Variants in PFKL observed in about 807,000 individuals in gnomAD.
PFKL encodes phosphofructokinase, liver type.
Under a neutral mutation model 92.1 loss-of-function variants are expected in PFKL, and 74 were observed. The ratio of observed to expected loss-of-function variants is 0.80; its 90% CI spans 0.67 to 0.97. PFKL has a LOEUF of 0.97. Ranked by LOEUF, PFKL falls within the 50% of genes least tolerant of loss-of-function variation. PFKL has a pLI of 0.00. For missense variants in PFKL, 1,028 were observed against 1,116.6 expected (o/e 0.92, Z 1.13); for synonymous variants, 494 against 456.4 (o/e 1.08, Z -1.05).
chr21:44,300,263 C>T (rs2040730546), intron 1 of PFKL, 73 bp downstream of exon 1: 1 of 706,208 alleles, frequency 1.4e-6, no homozygotes, highest in Non-Finnish European at 1.8e-6. Context: ...TCCGGAGCGC[C>T]CGCCGAGCCC....
chr21:44,321,598 C>T (rs2047356110), intron 12 of PFKL, 131 bp from the exon 13 acceptor site: 8 of 853,726 alleles, frequency 9.4e-6, no homozygotes, highest in South Asian at 2.1e-5. Flanking sequence ...GGGCGGTGTG[C>T]TGGGCAGCGT....
intron 19 of PFKL, 87 bp from the exon 20 acceptor site, chr21:44,325,874 C>T: frequency 2.2e-6 from 2 of 919,420 alleles, no homozygotes; most frequent in Admixed American, 4.5e-5. Context: ...CTGGGAGGCT[C>T]CCCGTGGGGA....
chr21:44,316,403 C>T, intron 8 of PFKL, 29 bp from the exon 9 acceptor site: 6 of 1,612,104 alleles, frequency 3.7e-6, no homozygotes, highest in Non-Finnish European at 5.1e-6. Flanking sequence ...GGCTGGGGCT[C>T]AGGGCTGGTC....
intron 19 of PFKL, chr21:44,325,688 G>T (rs914551802): frequency 1.9e-6 from 1 of 519,324 alleles, no homozygotes. Flanking sequence ...AGGTGGGGCC[G>T]CTGGCTGCCG....
chr21:44,312,591 G>A (rs531377772), intron 4 of PFKL, among the ~76,000 whole-genome samples: 4 of 152,242 alleles, frequency 2.6e-5, no homozygotes, highest in Non-Finnish European at 5.9e-5. Context: ...TGATTGATCC[G>A]AGTGAGATTC....
Position 44,306,796 on chromosome 21 carries a change from C to T in PFKL, c.159+42C>T, listed in dbSNP as rs769014630. ...CTGTGTGTGTGCAGGGAGTGGGGAC[C>T]TCCTGAGGCGCATGCCGAGGTGTGT... On this transcript the variant is annotated intron_variant, in intron 2 of 21. Coordinates refer to ENST00000349048, the MANE Select transcript of PFKL (RefSeq NM_002626.6). 4.9e-5 allele frequency: 76 copies of T among 1,558,208 alleles called. No homozygotes were observed. The South Asian group carries it at 7.4e-4, about 15-fold the overall frequency.
intron 14 of PFKL, 108 bp downstream of exon 14, chr21:44,322,311 C>A (rs1012653403): frequency 2.0e-6 from 2 of 1,011,466 alleles, no homozygotes; most frequent in Non-Finnish European, 2.9e-6. Flanking sequence ...CTGGGCTCGG[C>A]CCCTCTTCCT....
At position 44,313,705 on chromosome 21, in the gene PFKL, G is replaced by A. The variant is rs575351696; in HGVS notation, c.638+23G>A. 1.2e-4 allele frequency: 193 copies of A among 1,604,842 alleles called. 1 individual carries two copies. The South Asian group carries it at 1.5e-3, about 12-fold the overall frequency. ...CGGGTGAGGAGGGGCTTCCTGGCCC[G>A]CTGGGTGGCCCGGGTGCTGCTGGGG... On this transcript the variant is annotated intron_variant, in intron 6 of 21. Coordinates refer to ENST00000349048, the MANE Select transcript of PFKL (RefSeq NM_002626.6).
chr21:44,318,392 G>A lies in PFKL; in HGVS notation c.937-78G>A, dbSNP rs112266598. The A allele has an allele frequency of 3.0e-4, 401 of 1,342,784 alleles. 3 individuals are homozygous for A. The African/African-American group carries it at 5.0e-3, about 17-fold the overall frequency. The allele number at this position is 1,342,784 out of a possible 1,614,324, so 83.2% of individuals were successfully genotyped here. On this transcript the variant is annotated intron_variant, in intron 9 of 21. Coordinates refer to ENST00000349048, the MANE Select transcript of PFKL (RefSeq NM_002626.6). The stretch of plus-strand genomic sequence containing the variant: ...TGGGGGGCTCTGGAAGCTGGGGTTT[G>A]CACATCTACAGAGGATGGGCATGTG...
chr21:44,318,719 C>A, intron 10 of PFKL, 124 bp downstream of exon 10: 1 of 697,290 alleles, frequency 1.4e-6, no homozygotes, highest in Non-Finnish European at 2.1e-6. Context: ...TCGTGGCTGG[C>A]CCAGGGCATC....
chr21:44,308,232 T>A (rs1050192253), intron 2 of PFKL, among the ~76,000 whole-genome samples: 4 of 152,178 alleles, frequency 2.6e-5, no homozygotes, highest in African/African-American at 9.7e-5. Context: ...AGCCTTAGTC[T>A]TGGGATGCTG....
In PFKL at chr21:44,326,829, C is replaced by T. The variant is rs1454965314; in HGVS notation, c.2310C>T (p.Thr770=). ...AYVSGELEHV[T]RRTLSMDKGF The stretch of plus-strand genomic sequence containing the variant: ...TGTCAGGGGAGCTGGAGCACGTGAC[C>T]CGCCGCACCCTGAGCATGGACAAGG... Residue 770 remains threonine (T), a synonymous_variant, in exon 22 of 22, where the codon ACC becomes ACT. Transcript: ENST00000349048. 2 of 1,610,120 alleles carry T rather than the reference C, an allele frequency of 1.2e-6. No homozygotes were observed. The highest frequency in any genetic ancestry group is 1.7e-4 in the Middle Eastern group (1 of 6,006).
intron 21 of PFKL, among the ~76,000 whole-genome samples, chr21:44,326,467 G>A (rs966654457): frequency 3.3e-5 from 5 of 152,218 alleles, no homozygotes; most frequent in African/African-American, 7.2e-5. Flanking sequence ...CAATCCTTTC[G>A]GGTGGGCATG....
chr21:44,326,308 G>GTC, intron 21 of PFKL, 44 bp downstream of exon 21: 4 of 1,444,382 alleles, frequency 2.8e-6, no homozygotes, highest in Non-Finnish European at 3.8e-6. Flanking sequence ...GGGCTGAGGG[G>GTC]TGGCCCAGAC....
chr21:44,303,903 A>G (rs1368127677), intron 1 of PFKL, among the ~76,000 whole-genome samples: 2 of 152,038 alleles, frequency 1.3e-5, no homozygotes, highest in South Asian at 2.1e-4. Flanking sequence ...GGTGTCGGCG[A>G]CTGCTGCCCG....
intron 18 of PFKL, 35 bp from the exon 19 acceptor site, chr21:44,325,118 G>A (rs200999210): frequency 1.3e-4 from 197 of 1,468,198 alleles, no homozygotes; most frequent in Admixed American, 7.9e-4. Context: ...ACCTGAACTC[G>A]TTCCCGCCGA....
At chr21:44,301,059 G>A (rs912626729) in intron 1 of PFKL, among the ~76,000 whole-genome samples, 1 of 152,232 alleles carries the variant, frequency 6.6e-6, no homozygotes, top group Non-Finnish European at 1.5e-5. Context: ...AGCGGGGTCT[G>A]GTCTGTCTTT....
In PFKL at chr21:44,311,112, G is replaced by C. The variant is rs1345224655; in HGVS notation, c.237+29G>C. The C allele has an allele frequency of 2.5e-6, 4 of 1,583,138 alleles. No homozygotes were observed. In the African/African-American group the frequency reaches 4.0e-5, roughly 16 times the overall value. On this transcript the variant is annotated intron_variant, in intron 3 of 21. Transcript: ENST00000349048. Reference sequence around the variant, plus strand: ...AGGCCTGGGAACGCGGATGCATGTTGCACTTGGACTCGCAGACAGACACAC... The same window carrying C: ...AGGCCTGGGAACGCGGATGCATGTTCCACTTGGACTCGCAGACAGACACAC...
At chr21:44,302,735 C>T (rs982045446) in intron 1 of PFKL, among the ~76,000 whole-genome samples, 3 of 152,154 alleles carry the variant, frequency 2.0e-5, no homozygotes, top group African/African-American at 4.8e-5. Context: ...TGGGACTTCT[C>T]GGGCCTTGAT....
Sources: gnomAD v4.1 joint callset for allele counts (sites outside exome capture counted in the v4.1 genomes callset) on GRCh38, gnomAD v4.1.1 for gene constraint, MANE v1.5 for transcripts, NCBI Gene and HGNC (gene_info 2026-07-23, HGNC 2026-07-21) for gene names.